The following NCS1 variants were observed in gnomAD, a reference collection of about 807,000 sequenced individuals.
The protein encoded by NCS1 is neuronal calcium sensor 1.
A neutral mutation model predicts 28.4 loss-of-function variants in NCS1; 6 were observed. The ratio of observed to expected loss-of-function variants is 0.21; its 90% CI spans 0.12 to 0.42. The LOEUF is 0.42. Ranked by LOEUF, NCS1 falls within the 10% of genes least tolerant of loss-of-function variation. NCS1 has a pLI of 1.00. For missense variants in NCS1, 131 were observed against 241.4 expected (o/e 0.54, Z 3.03); for synonymous variants, 86 against 99.3 (o/e 0.87, Z 0.79).
At position 130,185,252 on chromosome 9, in the gene NCS1, C is replaced by T. The variant is rs144578104; in HGVS notation, c.64+12525C>T. 1.2e-3 allele frequency among the ~76,000 whole-genome samples: 186 copies of T among 152,384 alleles called. 2 individuals are homozygous for T. In the East Asian group the frequency reaches 0.032, roughly 26 times the overall value. On this transcript the variant is annotated intron_variant, in intron 1 of 7. Transcript: ENST00000372398. ...CCGACTGCATCTTATTGCATGACTG[C>T]GTCTCGTTGCGTGGCTGCCGGAGTA...
At chr9:130,206,399 CTTTCTTTTTTTTT>C (rs1833024335) in intron 2 of NCS1, among the ~76,000 whole-genome samples, 1 of 115,046 alleles carries the variant, frequency 8.7e-6, no homozygotes, top group African/African-American at 3.3e-5. Flanking sequence ...TCTTTTCTTT[CTTTCTTTTTTTTT>C]TTTTTTTTTT....
chr9:130,222,569 G>C (rs868978255), intron 4 of NCS1, 81 bp from the exon 5 acceptor site: 62 of 1,161,338 alleles, frequency 5.3e-5, no homozygotes, highest in South Asian at 8.6e-5. Flanking sequence ...TTCATGTTGG[G>C]GTACAGAGAG....
intron 4 of NCS1, among the ~76,000 whole-genome samples, chr9:130,220,307 C>T (rs1833258667): frequency 6.6e-6 from 1 of 152,136 alleles, no homozygotes. Flanking sequence ...AATGCAGCCA[C>T]GTGTTGGTAC....
At chr9:130,220,331 G>T (rs72761209) in intron 4 of NCS1, among the ~76,000 whole-genome samples, 177 of 152,296 alleles carry the variant, frequency 1.2e-3, no homozygotes, top group Non-Finnish European at 2.0e-3. Flanking sequence ...GGATCCACTG[G>T]GGGATAAGAT....
At chr9:130,178,702 A>C (rs1382563686) in intron 1 of NCS1, among the ~76,000 whole-genome samples, 6 of 152,012 alleles carry the variant, frequency 3.9e-5, no homozygotes, top group African/African-American at 1.4e-4. Flanking sequence ...GCAGTCCCGG[A>C]ATGGACTGGC....
Position 130,228,897 on chromosome 9 carries a change from T to A in NCS1, c.*17+2393T>A, listed in dbSNP as rs149867512. On this transcript the variant is annotated intron_variant, in intron 7 of 7. Coordinates refer to ENST00000372398, the MANE Select transcript of NCS1 (RefSeq NM_014286.4). ...CTTGGCTAGGCTGGTCTCGAACTCC[T>A]GACCTCAGGTGATCCACCCACCTCA... Among the ~76,000 whole-genome samples the A allele has an allele frequency of 5.0e-3, 758 of 152,126 alleles. 9 individuals are homozygous for A. Among genetic ancestry groups the A allele is most frequent in the East Asian group, 0.038 (194 of 5,168 alleles).
chr9:130,172,839 C>G, intron 1 of NCS1, 112 bp downstream of exon 1: 2 of 483,740 alleles, frequency 4.1e-6, no homozygotes, highest in Non-Finnish European at 6.4e-6. Flanking sequence ...GCCTCCGCTC[C>G]GTCCTCCCCG....
At chr9:130,222,392 G>T (rs1433439904) in intron 4 of NCS1, among the ~76,000 whole-genome samples, 2 of 151,976 alleles carry the variant, frequency 1.3e-5, no homozygotes, top group Non-Finnish European at 2.9e-5. Flanking sequence ...GGCTCAAGCA[G>T]TCTGCTCACC....
chr9:130,185,550 G>C (rs1554905558), intron 1 of NCS1, among the ~76,000 whole-genome samples: 1 of 152,208 alleles, frequency 6.6e-6, no homozygotes, highest in Non-Finnish European at 1.5e-5. Context: ...GCTGGGGCTG[G>C]GGAGTTGAGG....
Position 130,215,049 on chromosome 9 carries a change from T to G in NCS1, c.90-2783T>G, listed in dbSNP as rs1554909180. ...TGCCTTTTGTTTTGTCTTTATTGTT[T>G]TTAATAACCTTTTAGAATCACTCAA... On this transcript the variant is annotated intron_variant, in intron 2 of 7. Transcript: ENST00000372398. This position sits in a 1 kb window ranked among gnomAD's most constrained non-coding sequence, Gnocchi z 4.2. Among the ~76,000 whole-genome samples, 2 of 152,214 alleles carry G rather than the reference T, an allele frequency of 1.3e-5. No individual in the cohort carries two copies. Among genetic ancestry groups the G allele is most frequent in the African/African-American group, 4.8e-5 (2 of 41,470 alleles).
At chr9:130,185,814 G>A (rs1025220335) in intron 1 of NCS1, among the ~76,000 whole-genome samples, 37 of 152,240 alleles carry the variant, frequency 2.4e-4, no homozygotes, top group African/African-American at 8.4e-4. Context: ...CACCCCCTGC[G>A]CGCCCAGCAG....
chr9:130,205,252 C>T (rs1044726044), intron 2 of NCS1, among the ~76,000 whole-genome samples: 2 of 152,002 alleles, frequency 1.3e-5, no homozygotes, highest in Middle Eastern at 3.4e-3. Context: ...ACGAGCCTGG[C>T]GAATTAGAGG....
At chr9:130,189,435 G>A (rs1355289483) in intron 1 of NCS1, among the ~76,000 whole-genome samples, 2 of 152,160 alleles carry the variant, frequency 1.3e-5, no homozygotes, top group Non-Finnish European at 2.9e-5. Context: ...CAGTGTTTGG[G>A]AAATGCTTGT....
chr9:130,202,542 C>T (rs1410088312), intron 2 of NCS1, among the ~76,000 whole-genome samples: 1 of 151,340 alleles, frequency 6.6e-6, no homozygotes, highest in South Asian at 2.1e-4. Flanking sequence ...GGGTGCTTGG[C>T]CCCCAACAGG....
chr9:130,227,963 A>T (rs1833440588), intron 7 of NCS1, among the ~76,000 whole-genome samples: 1 of 152,142 alleles, frequency 6.6e-6, no homozygotes, highest in African/African-American at 2.4e-5. Context: ...CTGTGGTCTC[A>T]TCTGAAGGTT....
intron 1 of NCS1, among the ~76,000 whole-genome samples, chr9:130,195,261 G>T (rs1034417990): frequency 6.6e-6 from 1 of 152,160 alleles, no homozygotes; most frequent in Non-Finnish European, 1.5e-5. Flanking sequence ...TCTCTGGACC[G>T]CTGTACTTCA....
intron 2 of NCS1, among the ~76,000 whole-genome samples, chr9:130,204,162 T>C (rs1231903132): frequency 4.0e-5 from 6 of 151,898 alleles, no homozygotes; most frequent in Non-Finnish European, 7.4e-5. Flanking sequence ...CTGGCTAATA[T>C]TTTTGTATTT....
rs530857862 is a variant in NCS1 at position 130,177,091 on chromosome 9, G to A, written c.64+4364G>A. On this transcript the variant is annotated intron_variant, in intron 1 of 7. Transcript: ENST00000372398. This position sits in a 1 kb window ranked among gnomAD's most constrained non-coding sequence, Gnocchi z 4.4. ...TGCCTGCCAACCTTGACTCTCCTCT[G>A]CCTTTTCCCTAATGCCCAGAATGGT... 6.6e-6 allele frequency among the ~76,000 whole-genome samples: 1 copy of A among 152,300 alleles called. No individual in the cohort carries two copies. The highest frequency in any genetic ancestry group is 1.9e-4 in the East Asian group (1 of 5,170).
At chr9:130,194,951 C>T (rs1289981610) in intron 1 of NCS1, among the ~76,000 whole-genome samples, 1 of 152,184 alleles carries the variant, frequency 6.6e-6, no homozygotes, top group Non-Finnish European at 1.5e-5. Context: ...TTTCTCTGTC[C>T]CCTGTGTGCA....
Sources: gnomAD v4.1 joint callset for allele counts (sites outside exome capture counted in the v4.1 genomes callset) on GRCh38, gnomAD v4.1.1 for gene constraint, Gnocchi (gnomAD v3.1) non-coding constraint, MANE v1.5 for transcripts, NCBI Gene and HGNC (gene_info 2026-07-23, HGNC 2026-07-21) for gene names.